The following HEATR5B variants were observed in gnomAD, a reference collection of about 807,000 sequenced individuals.
HEATR5B encodes HEAT repeat-containing protein 5B.
In HEATR5B, 156 loss-of-function variants were observed where a neutral mutation model predicts 224.1. The observed-to-expected ratio is 0.70, with a 90% CI of 0.61 to 0.80. The LOEUF (loss-of-function observed/expected upper bound fraction) is 0.80, where lower values mean the gene tolerates loss of function less well. Among genes scored for constraint, HEATR5B ranks in the 30% least tolerant of loss-of-function variants. HEATR5B has a pLI of 0.00. For synonymous variants in HEATR5B, 1,027 were observed against 893.0 expected, an observed-to-expected ratio of 1.15 and a Z score of -2.68; for missense variants, 2,323 against 2,535.5, an observed-to-expected ratio of 0.92 and a Z score of 1.80.
At position 36,982,850 on chromosome 2, in the gene HEATR5B, T is replaced by C. The variant is rs555591936; in HGVS notation, c.5912-1056A>G. Among the ~76,000 whole-genome samples the C allele has an allele frequency of 5.7e-5, 7 of 123,130 alleles. No homozygotes were observed. The South Asian group carries it at 2.0e-3, about 36-fold the overall frequency. The allele number at this position is 123,130 out of a possible 152,430, so 80.8% of individuals were successfully genotyped here. A position where few individuals can be genotyped will look rare whatever the true frequency, so the allele number is the denominator to read the frequency against. The stretch of plus-strand genomic sequence containing the variant: ...TTGCACAAAGATACATGTCTACATA[T>C]AACAGACACAGATACACACACACAC... On this transcript the variant is annotated intron_variant, in intron 35 of 35. Transcript: ENST00000233099.
At chr2:37,020,617 G>C in intron 25 of HEATR5B, 38 bp downstream of exon 25, 4 of 1,433,960 alleles carry the variant, frequency 2.8e-6, no homozygotes, top group Non-Finnish European at 3.7e-6. Flanking sequence ...TCTTTCAAAA[G>C]ATCAATTTTA....
chr2:36,987,707 A>G (rs532437027), intron 35 of HEATR5B, among the ~76,000 whole-genome samples: 2 of 152,174 alleles, frequency 1.3e-5, no homozygotes, highest in South Asian at 2.1e-4. Flanking sequence ...TTTGGTATTA[A>G]TACTTAACTG....
At chr2:37,056,764 A>C in intron 15 of HEATR5B, 149 bp from the exon 16 acceptor site, 1 of 626,218 alleles carries the variant, frequency 1.6e-6, no homozygotes. Context: ...ACAGACCAAA[A>C]TGTAATTTGG....
At position 37,005,131 on chromosome 2, in the gene HEATR5B, T is replaced by G. The variant is rs184237104; in HGVS notation, c.4905+501A>C. Among the ~76,000 whole-genome samples the G allele has an allele frequency of 2.8e-4, 42 of 152,342 alleles. 2 individuals are homozygous for G. In the East Asian group the frequency reaches 6.7e-3, roughly 24 times the overall value. On this transcript the variant is annotated intron_variant, in intron 30 of 35. Transcript: ENST00000233099. ...TGTCCAGCCTCATCTAACAACCTCATGTTCCATTCATATCGGCCATAGTAA... is the reference window on the plus strand; with the variant it reads ...TGTCCAGCCTCATCTAACAACCTCAGGTTCCATTCATATCGGCCATAGTAA...
chr2:37,035,989 T>C (rs140897845), intron 21 of HEATR5B, among the ~76,000 whole-genome samples: 1,628 of 152,296 alleles, frequency 0.011, 11 homozygotes, highest in Non-Finnish European at 0.018. Flanking sequence ...TCTCCAACTA[T>C]GCCCCACTAA....
In HEATR5B at chr2:36,981,502, T is replaced by C; in HGVS notation, c.6204A>G (p.Thr2068=). The stretch of plus-strand genomic sequence containing the variant: ...ATGAAATTACAAATTAAAAAAAACT[T>C]GTTTTTAGCTTAATTGTTGGTGCAG... ...IHSAPTIKLK[T]SFF is the part of the protein sequence containing the mutation. Residue 2068 remains threonine, a synonymous_variant, in exon 36 of 36, where the codon ACA becomes ACG. Coordinates refer to ENST00000233099, the MANE Select transcript of HEATR5B (RefSeq NM_019024.3). The C allele has an allele frequency of 6.3e-7, 1 of 1,592,268 alleles. No homozygotes were observed. Among genetic ancestry groups the C allele is most frequent in the Non-Finnish European group, 8.5e-7 (1 of 1,170,880 alleles).
chr2:37,029,620 T>C (rs1403415764), intron 22 of HEATR5B, among the ~76,000 whole-genome samples: 2 of 151,924 alleles, frequency 1.3e-5, no homozygotes, highest in East Asian at 3.9e-4. Flanking sequence ...GCCAAGATTG[T>C]GCCATTGCAC....
At chr2:37,053,447 T>G (rs1670686552) in intron 17 of HEATR5B, 55 bp downstream of exon 17, 6 of 935,944 alleles carry the variant, frequency 6.4e-6, no homozygotes, top group Non-Finnish European at 9.8e-6. Flanking sequence ...GTCTGGCTTA[T>G]TAAATGCATT....
At chr2:36,998,641 T>C (rs113138497) in intron 33 of HEATR5B, among the ~76,000 whole-genome samples, 139 of 152,206 alleles carry the variant, frequency 9.1e-4, no homozygotes, top group African/African-American at 3.0e-3. Context: ...AAAAATATCA[T>C]TGACAGGGAA....
At chr2:37,018,344 C>T (rs780527618) in intron 26 of HEATR5B, among the ~76,000 whole-genome samples, 5 of 152,182 alleles carry the variant, frequency 3.3e-5, no homozygotes, top group African/African-American at 7.2e-5. Flanking sequence ...TGCTCTGAAA[C>T]GTCATCATGA....
In HEATR5B at chr2:37,061,941, A is replaced by G. The variant is rs1469247208; in HGVS notation, c.1694T>C (p.Leu565Ser). 1.9e-6 allele frequency: 3 copies of G among 1,594,668 alleles called. No homozygotes were observed. Among genetic ancestry groups the G allele is most frequent in the Non-Finnish European group, 8.6e-7 (1 of 1,162,652 alleles). ...GWLLLGALMT[L>S]GPSVVRYHLP... is the part of the protein sequence containing the mutation. ...ATCCTACTCAAATATAATTATACCT[A>G]AAGTCATAAGTGCTCCAAGTAAAAG... The change falls in exon 11 of 36, where the codon TTA (leucine) becomes TCA (serine). Residue 565 changes from leucine (L) to serine (S), a missense_variant and splice_region_variant. Transcript: ENST00000233099.
intron 10 of HEATR5B, among the ~76,000 whole-genome samples, chr2:37,063,025 T>C (rs1671377295): frequency 6.6e-6 from 1 of 152,142 alleles, no homozygotes; most frequent in African/African-American, 2.4e-5. Flanking sequence ...GTCTCAAACT[T>C]CTGACCTAAA....
intron 18 of HEATR5B, among the ~76,000 whole-genome samples, chr2:37,044,383 G>A (rs1260695172): frequency 2.0e-5 from 3 of 152,162 alleles, no homozygotes; most frequent in Non-Finnish European, 4.4e-5. Flanking sequence ...AGTCTTTGGG[G>A]TCTGGATTAT....
chr2:36,996,428 CTT>C (rs776769943), intron 33 of HEATR5B, among the ~76,000 whole-genome samples: 8 of 138,644 alleles, frequency 5.8e-5, no homozygotes, highest in Non-Finnish European at 6.3e-5. Flanking sequence ...TCTTTTCTTT[CTT>C]TTTTTTTTTT....
chr2:37,032,124 C>A (rs1009042155), intron 22 of HEATR5B, among the ~76,000 whole-genome samples: 2 of 152,188 alleles, frequency 1.3e-5, no homozygotes, highest in Admixed American at 6.5e-5. Flanking sequence ...CCACCCAGAA[C>A]TGGAAACCTT....
intron 19 of HEATR5B, 125 bp downstream of exon 19, chr2:37,041,008 T>C: frequency 1.4e-6 from 1 of 710,798 alleles, no homozygotes; most frequent in Non-Finnish European, 2.3e-6. Flanking sequence ...CTATGTACTA[T>C]TACAAAAACA....
At chr2:37,053,257 T>A (rs1362515360) in intron 17 of HEATR5B, among the ~76,000 whole-genome samples, 7 of 152,236 alleles carry the variant, frequency 4.6e-5, no homozygotes, top group Non-Finnish European at 8.8e-5. Context: ...CTGAAAGAAT[T>A]TATTGGCACT....
chr2:37,054,184 A>T (rs1193359394), intron 16 of HEATR5B, among the ~76,000 whole-genome samples: 6 of 131,570 alleles, frequency 4.6e-5, no homozygotes, highest in Non-Finnish European at 4.7e-5. Flanking sequence ...ATCTTAGATG[A>T]TTTCTCTGTT....
At chr2:37,043,966 G>A (rs968274067) in intron 18 of HEATR5B, among the ~76,000 whole-genome samples, 1 of 151,962 alleles carries the variant, frequency 6.6e-6, no homozygotes, top group Admixed American at 6.6e-5. Flanking sequence ...GGTCTCAAAC[G>A]CCTGGCCTCA....
Sources: allele counts gnomAD v4.1 joint callset (sites outside exome capture counted in the v4.1 genomes callset), GRCh38; gene constraint gnomAD v4.1.1; transcripts MANE v1.5; gene names NCBI Gene and HGNC (gene_info 2026-07-23, HGNC 2026-07-21).